MYRIP: variants seen among roughly 807,000 people sequenced by gnomAD.
MYRIP encodes the protein myosin VIIA and Rab interacting protein, also known as rab effector MyRIP.
Under a neutral mutation model 98.0 loss-of-function variants are expected in MYRIP, and 49 were observed. The ratio of observed to expected loss-of-function variants is 0.50; its 90% CI spans 0.40 to 0.63. The LOEUF is 0.63. Among genes scored for constraint, MYRIP ranks in the 30% least tolerant of loss-of-function variants. The pLI, the probability that MYRIP is intolerant of heterozygous loss-of-function variation, is 0.00. For missense variants in MYRIP, 1,004 were observed against 1,058.2 expected, an observed-to-expected ratio of 0.95 and a Z score of 0.71; for synonymous variants, 404 against 409.5, an observed-to-expected ratio of 0.99 and a Z score of 0.16.
At chr3:39,847,137 A>G (rs1324532530) in intron 1 of MYRIP, among the ~76,000 whole-genome samples, 1 of 152,188 alleles carries the variant, frequency 6.6e-6, no homozygotes, top group Non-Finnish European at 1.5e-5. Flanking sequence ...TGGCAACCAT[A>G]TGCATCTCTT....
intron 9 of MYRIP, among the ~76,000 whole-genome samples, chr3:40,185,633 A>T (rs1280635189): frequency 1.3e-5 from 2 of 152,190 alleles, no homozygotes; most frequent in Non-Finnish European, 2.9e-5. Flanking sequence ...TGCTGAGGGA[A>T]AATTTGGTCA....
chr3:39,915,019 C>T (rs184074350), intron 2 of MYRIP, among the ~76,000 whole-genome samples: 8 of 152,128 alleles, frequency 5.3e-5, no homozygotes, highest in Admixed American at 4.6e-4. Context: ...CATATTTTGT[C>T]ATTGGATCAT....
At position 40,109,163 on chromosome 3, in the gene MYRIP, C is replaced by T. The variant is rs111865400; in HGVS notation, c.333-41885C>T. On this transcript the variant is annotated intron_variant, in intron 3 of 16. Transcript: ENST00000302541. ...TACTTTAAGTTCTAGGGTACATGTG[C>T]GCTTCCCCATGTGGCCCTTTCTCTT... Among the ~76,000 whole-genome samples the T allele has an allele frequency of 7.8e-3, 1,182 of 152,164 alleles. 13 individuals carry two copies. The highest frequency in any genetic ancestry group is 0.025 in the African/African-American group (1,056 of 41,494).
At chr3:40,075,648 T>C (rs77132423) in intron 3 of MYRIP, among the ~76,000 whole-genome samples, 2 of 152,154 alleles carry the variant, frequency 1.3e-5, no homozygotes, top group Non-Finnish European at 2.9e-5. Context: ...CAGAATAATC[T>C]TTCAGTAAAT....
intron 13 of MYRIP, among the ~76,000 whole-genome samples, chr3:40,246,290 G>T (rs1372786073): frequency 6.6e-6 from 1 of 152,048 alleles, no homozygotes; most frequent in African/African-American, 2.4e-5. Context: ...ATATTTAAAG[G>T]GGAAAAGTGG....
intron 8 of MYRIP, among the ~76,000 whole-genome samples, chr3:40,178,948 C>CT (rs1248247494): frequency 6.6e-6 from 1 of 152,202 alleles, no homozygotes; most frequent in Non-Finnish European, 1.5e-5. Flanking sequence ...TTCAAACACT[C>CT]TAACTCAGAC....
rs189392994 is a variant in MYRIP at position 39,901,989 on chromosome 3, G to A, written c.110+1063G>A. Among the ~76,000 whole-genome samples the A allele has an allele frequency of 1.8e-3, 273 of 152,226 alleles. 4 individuals are homozygous for A. The highest frequency in any genetic ancestry group is 3.4e-3 in the Middle Eastern group (1 of 294). On this transcript the variant is annotated intron_variant, in intron 2 of 16. Transcript: ENST00000302541. ...GAAAGATTTACCAGTTTTAAGCTGA[G>A]TGAGAAAGGGCATGAGTAGAGCTTT...
chr3:40,171,125 G>A (rs1950602824), intron 8 of MYRIP, among the ~76,000 whole-genome samples: 1 of 151,966 alleles, frequency 6.6e-6, no homozygotes, highest in African/African-American at 2.4e-5. Flanking sequence ...TTTTACTGCT[G>A]CTGTCATGCA....
intron 8 of MYRIP, among the ~76,000 whole-genome samples, chr3:40,171,882 C>A (rs1047474596): frequency 6.6e-6 from 1 of 152,224 alleles, no homozygotes; most frequent in Non-Finnish European, 1.5e-5. Context: ...GTTTGACTCA[C>A]GGTTCCACAT....
At chr3:40,080,727 T>A (rs890192185) in intron 3 of MYRIP, among the ~76,000 whole-genome samples, 1 of 151,388 alleles carries the variant, frequency 6.6e-6, no homozygotes, top group Non-Finnish European at 1.5e-5. Context: ...TTTTCTCTTT[T>A]CAAAAAACCA....
intron 2 of MYRIP, among the ~76,000 whole-genome samples, chr3:39,990,892 G>C (rs1300074023): frequency 2.0e-5 from 3 of 152,138 alleles, no homozygotes; most frequent in Non-Finnish European, 4.4e-5. Context: ...TCAGCAAACT[G>C]TCACAAGATC....
intron 3 of MYRIP, among the ~76,000 whole-genome samples, chr3:40,103,541 C>G (rs1419456616): frequency 2.0e-5 from 3 of 152,198 alleles, no homozygotes; most frequent in Non-Finnish European, 4.4e-5. Context: ...GGCAGATCAC[C>G]TGAGGTCAGG....
At chr3:39,825,011 GC>G (rs1365668784) in intron 1 of MYRIP, among the ~76,000 whole-genome samples, 1 of 152,142 alleles carries the variant, frequency 6.6e-6, no homozygotes, top group Admixed American at 6.5e-5. Context: ...GAGCCACTGT[GC>G]CCAGCCAGTG....
intron 1 of MYRIP, among the ~76,000 whole-genome samples, chr3:39,890,591 C>T (rs1184349348): frequency 6.8e-6 from 1 of 146,298 alleles, no homozygotes; most frequent in Non-Finnish European, 1.5e-5. Context: ...GAATAGCTAT[C>T]TATGGAAAGT....
At chr3:39,935,217 GAT>G (rs1026058372) in intron 2 of MYRIP, among the ~76,000 whole-genome samples, 14 of 152,214 alleles carry the variant, frequency 9.2e-5, no homozygotes, top group Admixed American at 7.2e-4. Flanking sequence ...GGCAGATAAA[GAT>G]AGAGTGAAGG....
chr3:40,099,369 T>G (rs902261788), intron 3 of MYRIP, among the ~76,000 whole-genome samples: 1 of 152,100 alleles, frequency 6.6e-6, no homozygotes, highest in African/African-American at 2.4e-5. Flanking sequence ...TTTGGTGGAG[T>G]ATGAGCATGA....
At chr3:40,164,877 A>C (rs1159351722) in intron 5 of MYRIP, among the ~76,000 whole-genome samples, 1 of 152,234 alleles carries the variant, frequency 6.6e-6, no homozygotes, top group Non-Finnish European at 1.5e-5. Context: ...TCACACAGAT[A>C]GTTATGCATA....
chr3:39,875,860 C>G (rs1012966906), intron 1 of MYRIP, among the ~76,000 whole-genome samples: 1 of 151,962 alleles, frequency 6.6e-6, no homozygotes, highest in African/African-American at 2.4e-5. Context: ...ATTAGGTGCA[C>G]TTGGTGCAGA....
intron 3 of MYRIP, among the ~76,000 whole-genome samples, chr3:40,139,340 C>T (rs1430718052): frequency 6.6e-6 from 1 of 152,026 alleles, no homozygotes. Flanking sequence ...ATCATATAAC[C>T]ACTACTACAG....
Sources: allele counts gnomAD v4.1 joint callset (sites outside exome capture counted in the v4.1 genomes callset), GRCh38; gene constraint gnomAD v4.1.1; transcripts MANE v1.5; gene names NCBI Gene and HGNC (gene_info 2026-07-23, HGNC 2026-07-21).